IDO1: variants seen among roughly 807,000 people sequenced by gnomAD.
IDO1 encodes indolamine 2,3 dioxygenase.
IDO1 carries 35 observed loss-of-function variants against 38.8 expected under a neutral mutation model. The observed-to-expected ratio is 0.90, with a 90% confidence interval of 0.69 to 1.20. The LOEUF is 1.20. Among genes scored for constraint, IDO1 ranks in the 50% most tolerant of loss-of-function variants. The pLI is 0.00. For synonymous variants in IDO1, 171 were observed against 170.0 expected (o/e 1.01, Z -0.05); for missense variants, 509 against 485.1 (o/e 1.05, Z -0.46).
intron 7 of IDO1, among the ~76,000 whole-genome samples, chr8:39,924,288 G>A (rs190964333): frequency 1.3e-5 from 2 of 152,242 alleles, no homozygotes; most frequent in East Asian, 3.9e-4. Flanking sequence ...GATTGCTTGA[G>A]CCCAGGAGTT....
intron 7 of IDO1, among the ~76,000 whole-genome samples, chr8:39,924,154 G>A (rs990242969): frequency 3.3e-5 from 5 of 151,996 alleles, no homozygotes; most frequent in African/African-American, 1.2e-4. Flanking sequence ...TTTCTCTCTG[G>A]GTTTTGAGTT....
Position 39,922,570 on chromosome 8 carries a change from C to T in IDO1, c.456C>T (p.Phe152=). Residue 152 remains phenylalanine, a synonymous_variant, in exon 6 of 10, where the codon TTC becomes TTT. Coordinates refer to ENST00000518237, the MANE Select transcript of IDO1 (RefSeq NM_002164.6). ...TCCTCAGGAACATGGACGTTTTGTTCTCATTTCGTGATGGAGACTGCAGTA... is the reference window on the plus strand; with the variant it reads ...TCCTCAGGAACATGGACGTTTTGTTTTCATTTCGTGATGGAGACTGCAGTA... ...PLTYENMDVL[F]SFRDGDCSKG... The T allele has an allele frequency of 6.2e-7, 1 of 1,612,264 alleles. No individual in the cohort carries two copies. Among genetic ancestry groups the T allele is most frequent in the South Asian group, 1.1e-5 (1 of 91,052 alleles).
At chr8:39,925,947 GGAGGCC>G (rs1337979078) in intron 9 of IDO1, among the ~76,000 whole-genome samples, 1 of 152,000 alleles carries the variant, frequency 6.6e-6, no homozygotes, top group Non-Finnish European at 1.5e-5. Context: ...TAGCACTTTG[GGAGGCC>G]GAGGCGGGCG....
intron 8 of IDO1, 73 bp from the exon 9 acceptor site, chr8:39,925,150 A>T: frequency 7.1e-7 from 1 of 1,399,742 alleles, no homozygotes. Context: ...GCACTAGTGC[A>T]AGATTTGGTA....
At chr8:39,918,746 C>T in intron 3 of IDO1, 69 bp from the exon 4 acceptor site, 1 of 291,406 alleles carries the variant, frequency 3.4e-6, no homozygotes, top group South Asian at 2.6e-5. Flanking sequence ...GACTCCATCT[C>T]AAAAAAAAAA....
intron 7 of IDO1, among the ~76,000 whole-genome samples, chr8:39,924,303 C>T (rs1343924108): frequency 6.6e-6 from 1 of 151,994 alleles, no homozygotes; most frequent in Non-Finnish European, 1.5e-5. Context: ...GGAGTTGGGG[C>T]TGCAGTGAGC....
chr8:39,928,140 G>T lies in IDO1; in HGVS notation c.1167G>T (p.Lys389Asn). The T allele has an allele frequency of 6.2e-7, 1 of 1,613,272 alleles. No individual in the cohort carries two copies. Among genetic ancestry groups the T allele is most frequent in the Non-Finnish European group, 8.5e-7 (1 of 1,179,620 alleles). The part of the protein sequence containing the change: ...TGGTDLMNFL[K>N]TVRSTTEKSL... ...GCACTGATTTAATGAATTTCCTGAA[G>T]ACTGTAAGAAGTACAACTGAGAAAT... is the stretch of plus-strand genomic sequence containing the variant. Residue 389 changes from lysine to asparagine, a missense_variant, in exon 10 of 10, where the codon AAG becomes AAT. Coordinates refer to ENST00000518237, the MANE Select transcript of IDO1 (RefSeq NM_002164.6).
At chr8:39,927,004 G>T (rs1453973170) in intron 9 of IDO1, among the ~76,000 whole-genome samples, 2 of 152,128 alleles carry the variant, frequency 1.3e-5, no homozygotes. Flanking sequence ...GCCTCCAGCT[G>T]CATCCATGTT....
intron 9 of IDO1, among the ~76,000 whole-genome samples, chr8:39,927,512 A>G (rs1267558893): frequency 6.6e-6 from 1 of 151,018 alleles, no homozygotes; most frequent in African/African-American, 2.4e-5. Context: ...GCGAGCCGAG[A>G]TCGTGCCACT....
Position 39,918,802 on chromosome 8 carries a change from GT to G in IDO1, c.304-12del. 8.8e-7 allele frequency: 1 copy of G among 1,136,960 alleles called. No homozygotes were observed. Among genetic ancestry groups the G allele is most frequent in the East Asian group, 2.5e-5 (1 of 40,346 alleles). 70.4% of individuals were successfully genotyped at this position (1,136,960 alleles called of 1,614,324 possible). ...AACAACAACAAAAAACCTAACTACT[GT>G]ATTTTAATCAGGTCTTGCCAAGAAA... On this transcript the variant is annotated splice_polypyrimidine_tract_variant and intron_variant, in intron 3 of 9. Coordinates refer to ENST00000518237, the MANE Select transcript of IDO1 (RefSeq NM_002164.6).
In IDO1 at chr8:39,923,459, T is replaced by G; in HGVS notation, c.538-10T>G. The G allele has an allele frequency of 1.4e-6, 2 of 1,446,154 alleles. No individual in the cohort carries two copies. The highest frequency in any genetic ancestry group is 1.9e-6 in the Non-Finnish European group (2 of 1,028,450). The allele number at this position is 1,446,154 out of a possible 1,614,324, so 89.6% of individuals were successfully genotyped here. A position where few individuals can be genotyped will look rare whatever the true frequency, so the allele number is the denominator to read the frequency against. ...ACCTTAAATGTTTGTGTTTTGTTTG[T>G]TTGTTTTAGGTAATTCCTACTGTAT... is the stretch of plus-strand genomic sequence containing the variant. On this transcript the variant is annotated splice_polypyrimidine_tract_variant and intron_variant, in intron 6 of 9. Coordinates refer to ENST00000518237, the MANE Select transcript of IDO1 (RefSeq NM_002164.6).
Position 39,918,953 on chromosome 8 carries a change from A to C in IDO1, c.422+20A>C, listed in dbSNP as rs1807227720. ...TAATAAGTATGTAAACAGTGATAAC[A>C]ACAGGAATTTTTGGAGTGTGTGCCG... On this transcript the variant is annotated intron_variant, in intron 4 of 9. Transcript: ENST00000518237. 1.4e-6 allele frequency: 2 copies of C among 1,392,140 alleles called. No homozygotes were observed. The highest frequency in any genetic ancestry group is 2.0e-6 in the Non-Finnish European group (2 of 977,674). The allele number at this position is 1,392,140 out of a possible 1,614,324, so 86.2% of individuals were successfully genotyped here. A position where few individuals can be genotyped will look rare whatever the true frequency, so the allele number is the denominator to read the frequency against.
At chr8:39,924,620 C>G (rs1378249275) in intron 7 of IDO1, 101 bp from the exon 8 acceptor site, 18 of 788,290 alleles carry the variant, frequency 2.3e-5, no homozygotes, top group Non-Finnish European at 3.7e-5. Context: ...ATGCCTTTTC[C>G]TGCAGCCTGT....
Position 39,916,322 on chromosome 8 carries a change from CA to C in IDO1, c.88-1544del, listed in dbSNP as rs1267227764. 3.3e-5 allele frequency among the ~76,000 whole-genome samples: 5 copies of C among 149,816 alleles called. No homozygotes were observed. In the South Asian group the frequency reaches 8.5e-4, roughly 25 times the overall value. Reference sequence around the variant, plus strand: ...GAAACCCCTGACTCTACTAAAAATGCAAAAAAAAATTACCCAGCATGTTGGT... The same window carrying C: ...GAAACCCCTGACTCTACTAAAAATGCAAAAAAAATTACCCAGCATGTTGGT... On this transcript the variant is annotated intron_variant, in intron 1 of 9. Transcript: ENST00000518237.
Position 39,918,941 on chromosome 8 carries a change from A to T in IDO1, c.422+8A>T. ...GAAAAAGGATCCTAATAAGTATGTA[A>T]ACAGTGATAACAACAGGAATTTTTG... On this transcript the variant is annotated splice_region_variant and intron_variant, in intron 4 of 9. Coordinates refer to ENST00000518237, the MANE Select transcript of IDO1 (RefSeq NM_002164.6). 1 of 1,424,716 alleles carries T rather than the reference A, an allele frequency of 7.0e-7. No homozygotes were observed. The highest frequency in any genetic ancestry group is 9.9e-7 in the Non-Finnish European group (1 of 1,007,336). 88.3% of individuals were successfully genotyped at this position (1,424,716 alleles called of 1,614,324 possible).
Position 39,918,757 on chromosome 8 carries a change from AAAAAAAAAAAAAC to A in IDO1, c.304-55_304-43del, listed in dbSNP as rs1418569538. 2.6e-5 allele frequency: 17 copies of A among 661,300 alleles called. No individual in the cohort carries two copies. In the East Asian group the frequency reaches 5.0e-4, roughly 19 times the overall value. 41.0% of individuals were successfully genotyped at this position (661,300 alleles called of 1,614,324 possible). A position where few individuals can be genotyped will look rare whatever the true frequency, so the allele number is the denominator to read the frequency against. On this transcript the variant is annotated intron_variant, in intron 3 of 9. Coordinates refer to ENST00000518237, the MANE Select transcript of IDO1 (RefSeq NM_002164.6). ...GCAAGACTCCATCTCAAAAAAAAAA[AAAAAAAAAAAAAC>A]AACAACAACAACAACAAAAAACCTA...
intron 5 of IDO1, among the ~76,000 whole-genome samples, chr8:39,921,767 G>A (rs1224516919): frequency 6.6e-6 from 1 of 152,140 alleles, no homozygotes; most frequent in Middle Eastern, 3.4e-3. Context: ...GAAAAACAGG[G>A]TCTAATCAGT....
intron 8 of IDO1, 29 bp downstream of exon 8, chr8:39,924,801 G>T: frequency 6.5e-7 from 1 of 1,539,092 alleles, no homozygotes; most frequent in Non-Finnish European, 9.0e-7. Context: ...GAATTTGTTT[G>T]CTCTCACTTA....
At position 39,928,179 on chromosome 8, in the gene IDO1, A is replaced by G. The variant is rs1279164639; in HGVS notation, c.1206A>G (p.Glu402=). ...RSTTEKSLLK[E]G ...CAACTGAGAAATCCCTTTTGAAGGA[A>G]GGTTAATGTAACCCAACAAGAGCAC... The change falls in exon 10 of 10, where the codon GAA becomes GAG. Residue 402 remains glutamate (E), a synonymous_variant. Coordinates refer to ENST00000518237, the MANE Select transcript of IDO1 (RefSeq NM_002164.6). 4.7e-5 allele frequency: 75 copies of G among 1,604,490 alleles called. No individual in the cohort carries two copies. Among genetic ancestry groups the G allele is most frequent in the Non-Finnish European group, 6.3e-5 (74 of 1,174,612 alleles).
Sources: allele counts gnomAD v4.1 joint callset (sites outside exome capture counted in the v4.1 genomes callset), GRCh38; gene constraint gnomAD v4.1.1; transcripts MANE v1.5; gene names NCBI Gene and HGNC (gene_info 2026-07-23, HGNC 2026-07-21).